The following DISC1 variants were observed in gnomAD, a reference collection of about 807,000 sequenced individuals.
DISC1 encodes disrupted in schizophrenia 1 protein.
DISC1 carries 57 observed loss-of-function variants against 84.5 expected under a neutral mutation model. That is an observed-to-expected ratio of 0.67 (90% CI 0.55 to 0.84). DISC1 has a LOEUF of 0.84. Ranked by LOEUF, DISC1 falls within the 40% of genes least tolerant of loss-of-function variation. The pLI is 0.00. For missense variants in DISC1, 1,000 were observed against 1,057.8 expected (o/e 0.95, Z 0.76); for synonymous variants, 411 against 415.2 (o/e 0.99, Z 0.12).
At chr1:231,692,144 T>C (rs997876165) in intron 1 of DISC1, among the ~76,000 whole-genome samples, 1 of 152,178 alleles carries the variant, frequency 6.6e-6, no homozygotes, top group Non-Finnish European at 1.5e-5. Flanking sequence ...AGTAAGGCTT[T>C]CTGAGCTTTA....
At position 231,771,123 on chromosome 1, in the gene DISC1, A is replaced by T. The variant is rs1415718040; in HGVS notation, c.1634+53A>T. On this transcript the variant is annotated intron_variant, in intron 6 of 12. Coordinates refer to ENST00000439617, the MANE Select transcript of DISC1 (RefSeq NM_018662.3). ...GGTCGCTCGCCTCTTTGACCTGTTC[A>T]TTGGAATGATTTTGTCTGCTGTCTT... 2.0e-6 allele frequency: 3 copies of T among 1,495,984 alleles called. No individual in the cohort carries two copies. The African/African-American group carries it at 4.2e-5, about 21-fold the overall frequency. 92.7% of individuals were successfully genotyped at this position (1,495,984 alleles called of 1,614,324 possible). A position where few individuals can be genotyped will look rare whatever the true frequency, so the allele number is the denominator to read the frequency against.
chr1:231,700,866 T>C (rs940964413), intron 2 of DISC1, among the ~76,000 whole-genome samples: 2 of 151,730 alleles, frequency 1.3e-5, no homozygotes, highest in African/African-American at 4.8e-5. Flanking sequence ...GTGCTAGGGG[T>C]TGAAGGAAAT....
At chr1:231,923,397 TG>T (rs1468906531) in intron 9 of DISC1, among the ~76,000 whole-genome samples, 2 of 151,712 alleles carry the variant, frequency 1.3e-5, no homozygotes, top group African/African-American at 4.8e-5. Context: ...CCTGGGGCCC[TG>T]TCCAGTTGCC....
At chr1:232,017,460 G>T (rs923906623) in intron 11 of DISC1, among the ~76,000 whole-genome samples, 1 of 148,878 alleles carries the variant, frequency 6.7e-6, no homozygotes, top group African/African-American at 2.5e-5. Flanking sequence ...TGGCTTGATG[G>T]CCATAAGGGA....
At chr1:231,877,669 T>C (rs1320267488) in intron 9 of DISC1, among the ~76,000 whole-genome samples, 1 of 152,230 alleles carries the variant, frequency 6.6e-6, no homozygotes, top group Non-Finnish European at 1.5e-5. Flanking sequence ...ATTTTAGGTA[T>C]ACTCTATGAG....
rs1670670795 is a variant in DISC1 at position 232,038,927 on chromosome 1, T to C, written c.*2096T>C. ...AGCCTTCCATGCTGTGCAGCACTTC[T>C]GTCCTCAGTCAAGGAGATGGCCATG... On this transcript the variant is annotated 3_prime_UTR_variant, in exon 13 of 13. Coordinates refer to ENST00000439617, the MANE Select transcript of DISC1 (RefSeq NM_018662.3). The C allele has an allele frequency of 6.6e-6, 1 of 152,242 alleles. No homozygotes were observed. The allele number at this position is 152,242 out of a possible 1,614,324, so 9.4% of individuals were successfully genotyped here.
intron 1 of DISC1, among the ~76,000 whole-genome samples, chr1:231,676,899 T>C (rs1359765516): frequency 6.6e-6 from 1 of 152,120 alleles, no homozygotes; most frequent in Admixed American, 6.6e-5. Context: ...TTGCCAGGGG[T>C]TAGAAAGCTA....
intron 9 of DISC1, among the ~76,000 whole-genome samples, chr1:231,845,948 G>A (rs1343523332): frequency 6.6e-6 from 1 of 152,094 alleles, no homozygotes; most frequent in Non-Finnish European, 1.5e-5. Context: ...ATGGCGGCAG[G>A]GCTCGGGGTG....
At chr1:231,716,425 A>G (rs2068736511) in intron 3 of DISC1, among the ~76,000 whole-genome samples, 1 of 151,794 alleles carries the variant, frequency 6.6e-6, no homozygotes, top group Admixed American at 6.6e-5. Flanking sequence ...ACATTGTCGT[A>G]TGGCAAACTA....
chr1:231,640,301 C>G (rs1380445744), intron 1 of DISC1, among the ~76,000 whole-genome samples: 1 of 152,152 alleles, frequency 6.6e-6, no homozygotes, highest in Non-Finnish European at 1.5e-5. Flanking sequence ...GGTCTCTGAG[C>G]CACCAGGTAT....
intron 9 of DISC1, among the ~76,000 whole-genome samples, chr1:231,939,046 CT>C (rs1211829159): frequency 6.6e-6 from 1 of 152,226 alleles, no homozygotes; most frequent in African/African-American, 2.4e-5. Context: ...GACAGCCCCC[CT>C]CCTACACGTA....
chr1:231,889,853 A>G (rs957647761), intron 9 of DISC1, among the ~76,000 whole-genome samples: 3 of 152,112 alleles, frequency 2.0e-5, no homozygotes, highest in Non-Finnish European at 2.9e-5. Context: ...GATGACTTCA[A>G]TTGTGACAAA....
At chr1:231,880,988 C>G (rs1292943739) in intron 9 of DISC1, among the ~76,000 whole-genome samples, 2 of 152,208 alleles carry the variant, frequency 1.3e-5, no homozygotes, top group African/African-American at 4.8e-5. Context: ...CAGCAAACAA[C>G]TCTGAGGAAG....
intron 1 of DISC1, among the ~76,000 whole-genome samples, chr1:231,634,289 T>C (rs74734502): frequency 0.062 from 9,468 of 152,218 alleles, 332 homozygotes; most frequent in Middle Eastern, 0.088. Context: ...TGCCTCATCT[T>C]ACTCCAACAC....
chr1:231,820,505 A>G (rs1378240345), intron 9 of DISC1, among the ~76,000 whole-genome samples: 1 of 152,230 alleles, frequency 6.6e-6, no homozygotes, highest in Non-Finnish European at 1.5e-5. Flanking sequence ...TATTCTTAAA[A>G]AAAGATTTTG....
rs1222541209 is a variant in DISC1 at position 231,694,742 on chromosome 1, C to G, written c.984C>G (p.Thr328=). ...CAGGGGATGCCCACTCTTGGGACAC[C>G]CTGCTCAGGAAATGGGAGCCAGTGC... ...SGSGDAHSWD[T]LLRKWEPVLR... is the part of the protein sequence containing the mutation. The change falls in exon 2 of 13, where the codon ACC becomes ACG. Residue 328 remains threonine, a synonymous_variant. Transcript: ENST00000439617. 1 of 1,613,956 alleles carries G rather than the reference C, an allele frequency of 6.2e-7. No individual in the cohort carries two copies. Among genetic ancestry groups the G allele is most frequent in the Non-Finnish European group, 8.5e-7 (1 of 1,180,056 alleles).
intron 9 of DISC1, among the ~76,000 whole-genome samples, chr1:231,823,262 A>G (rs2081626505): frequency 6.6e-6 from 1 of 152,222 alleles, no homozygotes; most frequent in Non-Finnish European, 1.5e-5. Flanking sequence ...GAACAAAAGA[A>G]TAAAATCTAT....
chr1:232,016,972 C>G (rs1331984381), intron 11 of DISC1, among the ~76,000 whole-genome samples: 1 of 152,198 alleles, frequency 6.6e-6, no homozygotes, highest in Non-Finnish European at 1.5e-5. Flanking sequence ...TTGGCATTTA[C>G]ACGACTGTAG....
chr1:231,702,998 GGCATGGGTCTTCA>G lies in DISC1; in HGVS notation c.1117+979_1117+991del, dbSNP rs2066601223. Among the ~76,000 whole-genome samples, 5 of 152,322 alleles carry G rather than the reference GGCATGGGTCTTCA, an allele frequency of 3.3e-5. No individual in the cohort carries two copies. In the South Asian group the frequency reaches 8.3e-4, roughly 25 times the overall value. ...TCTTCTGGAAGCTGGTTAGCTTTAA[GGCATGGGTCTTCA>G]GCATTTAGCCCATGTGACATTCTCA... On this transcript the variant is annotated intron_variant, in intron 3 of 12. Transcript: ENST00000439617.
Sources: gnomAD v4.1 joint callset for allele counts (sites outside exome capture counted in the v4.1 genomes callset) on GRCh38, gnomAD v4.1.1 for gene constraint, MANE v1.5 for transcripts, NCBI Gene and HGNC (gene_info 2026-07-23, HGNC 2026-07-21) for gene names.